Variants in KANTR observed in about 807,000 individuals in gnomAD.
The protein encoded by KANTR is KANTR integral membrane protein.
chrX:53,096,039 T>C (rs782612229), intron 1 of KANTR, among the ~76,000 whole-genome samples: 2 of 110,889 alleles, frequency 1.8e-5, no homozygotes, highest in Non-Finnish European at 3.8e-5. Context: ...CCCACAAGGC[T>C]CAGGCCCTTG....
intron 2 of KANTR, among the ~76,000 whole-genome samples, chrX:53,122,566 A>G (rs1400210425): frequency 9.0e-6 from 1 of 111,709 alleles, no homozygotes; most frequent in South Asian, 3.7e-4. Context: ...TGTATTTGCT[A>G]TAGATTTCCT....
chrX:53,138,435 G>A (rs1056712870), intron 2 of KANTR, among the ~76,000 whole-genome samples: 17 of 108,426 alleles, frequency 1.6e-4, no homozygotes, highest in Non-Finnish European at 2.3e-4. Context: ...GGCTGAGGCG[G>A]GTGGATCACC....
chrX:53,095,895 T>C (rs1932841748), intron 1 of KANTR, among the ~76,000 whole-genome samples: 1 of 111,122 alleles, frequency 9.0e-6, no homozygotes, highest in South Asian at 3.8e-4. Context: ...CCTGACCTTA[T>C]CTCCCACCAC....
At chrX:53,135,112 T>C (rs1933405739) in intron 2 of KANTR, among the ~76,000 whole-genome samples, 1 of 111,776 alleles carries the variant, frequency 8.9e-6, no homozygotes, top group Admixed American at 9.5e-5. Context: ...ATTAGCCCAT[T>C]TCACAGTAAA....
intron 2 of KANTR, among the ~76,000 whole-genome samples, chrX:53,137,978 G>A (rs915778234): frequency 9.0e-6 from 1 of 110,535 alleles, no homozygotes; most frequent in African/African-American, 3.3e-5. Flanking sequence ...CAAAGAATCT[G>A]CTTTGGTTTG....
At chrX:53,139,093 T>C (rs1933464887) in intron 2 of KANTR, among the ~76,000 whole-genome samples, 2 of 109,812 alleles carry the variant, frequency 1.8e-5, no homozygotes, top group South Asian at 4.0e-4. Context: ...TGGTGGTGTG[T>C]GCCTGTAGTC....
chrX:53,146,530 G>C (rs1490007137), downstream of KANTR, among the ~76,000 whole-genome samples: 1 of 112,092 alleles, frequency 8.9e-6, no homozygotes, highest in Non-Finnish European at 1.9e-5. Flanking sequence ...ACCTGAAAGT[G>C]ACGGGGAGAA....
intron 2 of KANTR, among the ~76,000 whole-genome samples, chrX:53,139,418 CT>C (rs1318484572): frequency 9.0e-6 from 1 of 111,593 alleles, no homozygotes; most frequent in Non-Finnish European, 1.9e-5. Flanking sequence ...ATGAAAGACA[CT>C]ATGGACAAAA....
intron 2 of KANTR, among the ~76,000 whole-genome samples, chrX:53,103,436 C>G (rs782472665): frequency 1.8e-5 from 2 of 111,354 alleles, no homozygotes; most frequent in African/African-American, 6.5e-5. Context: ...CATTTTCACT[C>G]CCTTTCACTT....
chrX:53,114,803 C>T (rs1404909442), intron 2 of KANTR, among the ~76,000 whole-genome samples: 1 of 111,769 alleles, frequency 8.9e-6, no homozygotes, highest in Non-Finnish European at 1.9e-5. Context: ...GGGGGCTGGC[C>T]TGGATCCTGG....
chrX:53,104,387 T>C (rs1055561817), intron 2 of KANTR, among the ~76,000 whole-genome samples: 4 of 109,678 alleles, frequency 3.6e-5, no homozygotes, highest in Non-Finnish European at 5.7e-5. Flanking sequence ...CCACCATGCC[T>C]GACTAATTTT....
At chrX:53,099,964 A>G (rs1207018789) in intron 2 of KANTR, among the ~76,000 whole-genome samples, 1 of 112,158 alleles carries the variant, frequency 8.9e-6, no homozygotes, top group East Asian at 2.8e-4. Context: ...TTGTTGCTCC[A>G]TTTATAGAGC....
intron 2 of KANTR, chrX:53,113,166 G>T: frequency 4.0e-6 from 1 of 251,177 alleles, no homozygotes; most frequent in Non-Finnish European, 7.9e-6. Flanking sequence ...ATCAGAGCGT[G>T]GCTGTAGGGG....
At chrX:53,144,628 G>A (rs1038502355), downstream of KANTR, among the ~76,000 whole-genome samples, 2 of 110,825 alleles carry the variant, frequency 1.8e-5, no homozygotes, top group Non-Finnish European at 3.8e-5. Context: ...CCTGAGAGGC[G>A]GAGGTCGCAG....
downstream of KANTR, among the ~76,000 whole-genome samples, chrX:53,147,076 C>A (rs979069215): frequency 2.7e-5 from 3 of 111,555 alleles, no homozygotes; most frequent in African/African-American, 9.8e-5. Flanking sequence ...GCAAAATAAC[C>A]AGCTAACATC....
At chrX:53,119,330 ATT>A (rs1432631478) in intron 2 of KANTR, among the ~76,000 whole-genome samples, 1 of 111,418 alleles carries the variant, frequency 9.0e-6, no homozygotes, top group Non-Finnish European at 1.9e-5. Context: ...ATAGCCAGCA[ATT>A]TTTTGTCTTG....
downstream of KANTR, chrX:53,143,408 TG>T: frequency 1.5e-6 from 1 of 661,595 alleles, no homozygotes; most frequent in Non-Finnish European, 2.4e-6. Flanking sequence ...TGGGAGGGCA[TG>T]GCCCTCGTAG....
At chrX:53,101,600 G>A (rs1932893936) in intron 2 of KANTR, among the ~76,000 whole-genome samples, 1 of 112,151 alleles carries the variant, frequency 8.9e-6, no homozygotes, top group Admixed American at 9.5e-5. Context: ...GGAATAGCCA[G>A]TCAGTCGAGC....
At chrX:53,121,828 T>C (rs1321530351) in intron 2 of KANTR, among the ~76,000 whole-genome samples, 2 of 111,520 alleles carry the variant, frequency 1.8e-5, no homozygotes, top group African/African-American at 3.3e-5. Context: ...CTGGTATCCA[T>C]TGGCATCCCT....
Sources: allele counts gnomAD v4.1 joint callset (sites outside exome capture counted in the v4.1 genomes callset), GRCh38; gene constraint gnomAD v4.1.1; transcripts MANE v1.5; gene names NCBI Gene and HGNC (gene_info 2026-07-23, HGNC 2026-07-21).